ZNF385B: variants seen among roughly 807,000 people sequenced by gnomAD.
The protein encoded by ZNF385B is zinc finger protein 533.
A neutral mutation model predicts 39.2 loss-of-function variants in ZNF385B; 23 were observed. That is an observed-to-expected ratio of 0.59 (90% CI 0.42 to 0.83). The LOEUF is 0.83. Ranked by LOEUF, ZNF385B falls within the 40% of genes least tolerant of loss-of-function variation. ZNF385B has a pLI of 0.00. For synonymous variants in ZNF385B, 205 were observed against 222.6 expected (o/e 0.92, Z 0.70); for missense variants, 552 against 598.9 (o/e 0.92, Z 0.82).
At chr2:179,699,699 T>C (rs1356607304) in intron 3 of ZNF385B, among the ~76,000 whole-genome samples, 1 of 152,186 alleles carries the variant, frequency 6.6e-6, no homozygotes, top group Non-Finnish European at 1.5e-5. Flanking sequence ...GGAGGTTTCT[T>C]GTGTAATTTC....
At chr2:179,704,972 A>G (rs1228453493) in intron 3 of ZNF385B, among the ~76,000 whole-genome samples, 1 of 152,156 alleles carries the variant, frequency 6.6e-6, no homozygotes, top group Non-Finnish European at 1.5e-5. Context: ...ACACCCTGCT[A>G]TCTATTCTTT....
chr2:179,796,476 C>T (rs2106547539), intron 1 of ZNF385B, among the ~76,000 whole-genome samples: 1 of 152,172 alleles, frequency 6.6e-6, no homozygotes, highest in Non-Finnish European at 1.5e-5. Context: ...GACAGCAGTC[C>T]ATTTGAATAC....
At chr2:179,546,288 C>T (rs113713114) in intron 3 of ZNF385B, among the ~76,000 whole-genome samples, 11 of 152,112 alleles carry the variant, frequency 7.2e-5, no homozygotes, top group African/African-American at 2.2e-4. Flanking sequence ...CCATCAGTCT[C>T]GACCTCCCAA....
At chr2:179,606,485 C>CT in intron 3 of ZNF385B, among the ~76,000 whole-genome samples, 1 of 152,218 alleles carries the variant, frequency 6.6e-6, no homozygotes. Flanking sequence ...TATTTATCCC[C>CT]TTTTGGTCTA....
At chr2:179,842,260 T>C (rs1708574996) in intron 1 of ZNF385B, among the ~76,000 whole-genome samples, 1 of 152,178 alleles carries the variant, frequency 6.6e-6, no homozygotes, top group African/African-American at 2.4e-5. Context: ...ACTAAACTTC[T>C]GCCATCAGAT....
At chr2:179,714,203 C>T (rs1227073496) in intron 3 of ZNF385B, among the ~76,000 whole-genome samples, 3 of 152,170 alleles carry the variant, frequency 2.0e-5, no homozygotes, top group Admixed American at 6.5e-5. Context: ...AATACCACTA[C>T]AAATAATAAC....
At chr2:179,497,626 A>T (rs2056356650) in intron 5 of ZNF385B, among the ~76,000 whole-genome samples, 1 of 152,032 alleles carries the variant, frequency 6.6e-6, no homozygotes, top group Admixed American at 6.6e-5. Context: ...CACTAGAGGA[A>T]CACAAAAAGG....
At chr2:179,604,171 C>G (rs999376833) in intron 3 of ZNF385B, among the ~76,000 whole-genome samples, 4 of 152,062 alleles carry the variant, frequency 2.6e-5, no homozygotes, top group Admixed American at 6.6e-5. Flanking sequence ...TTATCAAAAG[C>G]CTTCTCTAAG....
intron 3 of ZNF385B, among the ~76,000 whole-genome samples, chr2:179,575,022 T>C (rs1685654573): frequency 6.6e-6 from 1 of 152,132 alleles, no homozygotes. Flanking sequence ...ATCGGTCTTC[T>C]GCTGGTGGCC....
chr2:179,532,783 A>G (rs1193596884), intron 4 of ZNF385B, among the ~76,000 whole-genome samples: 3 of 152,122 alleles, frequency 2.0e-5, no homozygotes, highest in Non-Finnish European at 2.9e-5. Flanking sequence ...GAATCACCAA[A>G]TTTCTGCCTC....
rs531404998 is a variant in ZNF385B, at chr2:179,801,651, C to T, written c.-154-30979G>A. 2.6e-5 allele frequency among the ~76,000 whole-genome samples: 4 copies of T among 152,182 alleles called. No individual in the cohort carries two copies. The South Asian group carries it at 8.3e-4, about 32-fold the overall frequency. ...TGAACCTCTAGGGCTTATCACGGCC[C>T]CTGCCATATAAAAATTTGTAAAATA... On this transcript the variant is annotated intron_variant, in intron 1 of 9. Transcript: ENST00000410066.
At chr2:179,521,353 G>GTTTTTTTTTTTTTTTTTTT (rs56392185) in intron 4 of ZNF385B, among the ~76,000 whole-genome samples, 4 of 108,168 alleles carry the variant, frequency 3.7e-5, no homozygotes, top group Non-Finnish European at 5.3e-5. Context: ...CACCTGGCCA[G>GTTTTTTTTTTTTTTTTTTT]TTTTTTTTTT....
intron 5 of ZNF385B, among the ~76,000 whole-genome samples, chr2:179,497,880 C>G (rs1231201411): frequency 2.0e-5 from 3 of 152,036 alleles, no homozygotes; most frequent in African/African-American, 7.2e-5. Context: ...AGATATTCCA[C>G]ACTACTGGAA....
At chr2:179,734,146 T>A (rs1701587447) in intron 3 of ZNF385B, among the ~76,000 whole-genome samples, 1 of 152,216 alleles carries the variant, frequency 6.6e-6, no homozygotes, top group Admixed American at 6.5e-5. Flanking sequence ...ATAATTATTA[T>A]CATCTATTGC....
intron 3 of ZNF385B, among the ~76,000 whole-genome samples, chr2:179,564,238 G>A (rs1203445944): frequency 2.0e-5 from 3 of 152,146 alleles, no homozygotes; most frequent in Non-Finnish European, 4.4e-5. Flanking sequence ...CTGGTCCATA[G>A]TGCAGGTATG....
chr2:179,512,550 G>A (rs1366747320), intron 5 of ZNF385B, among the ~76,000 whole-genome samples: 1 of 152,178 alleles, frequency 6.6e-6, no homozygotes, highest in Non-Finnish European at 1.5e-5. Context: ...CTTTGGAAAT[G>A]GCATTTTCCA....
intron 1 of ZNF385B, among the ~76,000 whole-genome samples, chr2:179,836,968 C>A (rs912583364): frequency 6.6e-6 from 1 of 152,116 alleles, no homozygotes; most frequent in Admixed American, 6.6e-5. Flanking sequence ...AAGCATTAAA[C>A]GATCAGAGGT....
intron 4 of ZNF385B, among the ~76,000 whole-genome samples, chr2:179,544,325 A>G (rs1012384472): frequency 1.3e-5 from 2 of 152,212 alleles, no homozygotes; most frequent in Admixed American, 6.5e-5. Flanking sequence ...TCTTTTTCTT[A>G]ATAGAGTCAA....
intron 3 of ZNF385B, among the ~76,000 whole-genome samples, chr2:179,572,210 T>A (rs761685182): frequency 2.6e-5 from 4 of 152,128 alleles, no homozygotes; most frequent in Non-Finnish European, 5.9e-5. Flanking sequence ...TCTCAGATAT[T>A]TATGAATAAA....
Sources: gnomAD v4.1 joint callset for allele counts (sites outside exome capture counted in the v4.1 genomes callset) on GRCh38, gnomAD v4.1.1 for gene constraint, MANE v1.5 for transcripts, NCBI Gene and HGNC (gene_info 2026-07-23, HGNC 2026-07-21) for gene names.